ALK: variants seen among roughly 807,000 people sequenced by gnomAD.
ALK encodes ALK tyrosine kinase receptor.
ALK carries 74 observed loss-of-function variants against 163.1 expected under a neutral mutation model. The ratio of observed to expected loss-of-function variants is 0.45; its 90% CI spans 0.38 to 0.55. The LOEUF (loss-of-function observed/expected upper bound fraction) is 0.55, where lower values mean the gene tolerates loss of function less well. Ranked by LOEUF, ALK falls within the 20% of genes least tolerant of loss-of-function variation. ALK has a pLI of 0.00. For synonymous variants in ALK, 960 were observed against 843.2 expected (o/e 1.14, Z -2.40); for missense variants, 2,063 against 2,105.3 (o/e 0.98, Z 0.39).
Position 29,193,257 on chromosome 2 carries a change from T to A in ALK, c.4830A>T (p.Lys1610Asn), listed in dbSNP as rs766072801. The A allele has an allele frequency of 6.2e-7, 1 of 1,614,048 alleles. No homozygotes were observed. Among genetic ancestry groups the A allele is most frequent in the African/African-American group, 1.3e-5 (1 of 74,930 alleles). Residue 1610 changes from lysine to asparagine, a missense_variant, in exon 29 of 29, where the codon AAA (lysine) becomes AAT (asparagine). Around this residue, in one of 5 missense-constraint regions of ALK, gnomAD observed 403 missense variants for 366.2 expected, o/e 1.10. Coordinates refer to ENST00000389048, the MANE Select transcript of ALK (RefSeq NM_004304.5). The stretch of plus-strand genomic sequence containing the variant: ...CAGGCTGGTTCATGCTATTCTTGCT[T>A]TTCAGAATGGTATCCTCGTAATGAC... Reference protein sequence around the residue: ...GAGHYEDTILKSKNSMNQPGP With the variant: ...GAGHYEDTILNSKNSMNQPGP
intron 3 of ALK, among the ~76,000 whole-genome samples, chr2:29,650,997 C>T (rs998440227): frequency 3.3e-5 from 5 of 152,094 alleles, no homozygotes; most frequent in African/African-American, 1.2e-4. Flanking sequence ...AGTCGCCGCA[C>T]GGTGACTTGG....
intron 3 of ALK, among the ~76,000 whole-genome samples, chr2:29,556,832 G>T (rs1401348930): frequency 6.6e-6 from 1 of 152,118 alleles, no homozygotes; most frequent in Non-Finnish European, 1.5e-5. Flanking sequence ...GCCTCCATTT[G>T]GTGTTTATAA....
intron 4 of ALK, among the ~76,000 whole-genome samples, chr2:29,529,033 C>T (rs1049573749): frequency 1.2e-4 from 18 of 152,236 alleles, no homozygotes; most frequent in African/African-American, 3.4e-4. Flanking sequence ...TACTCTGCTG[C>T]TTTCCAGGCA....
At chr2:29,453,535 C>T (rs1024981513) in intron 4 of ALK, among the ~76,000 whole-genome samples, 1 of 152,018 alleles carries the variant, frequency 6.6e-6, no homozygotes, top group African/African-American at 2.4e-5. Flanking sequence ...CGGACCTGGC[C>T]TAAAATAAAA....
intron 4 of ALK, among the ~76,000 whole-genome samples, chr2:29,501,408 A>G (rs568182567): frequency 6.6e-6 from 1 of 152,208 alleles, no homozygotes; most frequent in Non-Finnish European, 1.5e-5. Flanking sequence ...AATCCTTGAA[A>G]GAACTGTCCT....
intron 1 of ALK, among the ~76,000 whole-genome samples, chr2:29,891,631 G>T (rs906315292): frequency 5.9e-5 from 9 of 152,120 alleles, no homozygotes; most frequent in African/African-American, 1.9e-4. Context: ...AGAACCATAA[G>T]AACTATAAGA....
At chr2:29,754,616 G>C (rs993703650) in intron 1 of ALK, among the ~76,000 whole-genome samples, 25 of 152,052 alleles carry the variant, frequency 1.6e-4, no homozygotes, top group African/African-American at 6.0e-4. Context: ...CTTGAGTTTG[G>C]GAGCTTGCAG....
chr2:29,907,458 G>A (rs1014826433), intron 1 of ALK, among the ~76,000 whole-genome samples: 12 of 152,018 alleles, frequency 7.9e-5, no homozygotes, highest in African/African-American at 2.9e-4. Flanking sequence ...GCCTGTTCCT[G>A]CTCTGTACAA....
At chr2:29,647,609 T>C (rs1017767407) in intron 3 of ALK, among the ~76,000 whole-genome samples, 2 of 152,060 alleles carry the variant, frequency 1.3e-5, no homozygotes, top group African/African-American at 4.8e-5. Flanking sequence ...TGAAGAAGCG[T>C]CCGGAATTGA....
chr2:29,546,774 T>G (rs2148171113), intron 3 of ALK, among the ~76,000 whole-genome samples: 1 of 152,126 alleles, frequency 6.6e-6, no homozygotes, highest in South Asian at 2.1e-4. Context: ...ATTCCATTGA[T>G]TTTTTTAATT....
chr2:29,194,003 T>C, intron 28 of ALK, 81 bp from the exon 29 acceptor site: 1 of 1,329,534 alleles, frequency 7.5e-7, no homozygotes, highest in Non-Finnish European at 1.1e-6. Context: ...GATGATGTTA[T>C]CTAAACATAT....
At chr2:29,766,701 C>G (rs1680872433) in intron 1 of ALK, among the ~76,000 whole-genome samples, 1 of 152,306 alleles carries the variant, frequency 6.6e-6, no homozygotes, top group South Asian at 2.1e-4. Flanking sequence ...TAACTAGTAT[C>G]AGGCCTGGAG....
At chr2:29,776,782 G>A (rs1173764221) in intron 1 of ALK, among the ~76,000 whole-genome samples, 1 of 152,002 alleles carries the variant, frequency 6.6e-6, no homozygotes, top group Non-Finnish European at 1.5e-5. Context: ...GGGCAACAGA[G>A]CAAGACCCTG....
intron 8 of ALK, among the ~76,000 whole-genome samples, chr2:29,316,965 C>A (rs1312315469): frequency 2.6e-5 from 4 of 152,124 alleles, no homozygotes; most frequent in Non-Finnish European, 5.9e-5. Context: ...ATTTGCTTGC[C>A]AAGTGGAGCC....
intron 3 of ALK, among the ~76,000 whole-genome samples, chr2:29,569,755 C>T (rs769189797): frequency 1.3e-5 from 2 of 152,186 alleles, no homozygotes; most frequent in African/African-American, 4.8e-5. Flanking sequence ...CCCTTCAGTC[C>T]CTAGCACAGA....
intron 4 of ALK, among the ~76,000 whole-genome samples, chr2:29,421,498 G>A (rs1352677092): frequency 1.3e-5 from 2 of 151,600 alleles, no homozygotes; most frequent in African/African-American, 4.9e-5. Context: ...TAGTAGAGGA[G>A]GCATTTGGAA....
intron 1 of ALK, among the ~76,000 whole-genome samples, chr2:29,811,394 G>C (rs1010285281): frequency 3.9e-5 from 6 of 152,198 alleles, no homozygotes; most frequent in Admixed American, 3.9e-4. Flanking sequence ...TTTACAAACA[G>C]TATTTACATT....
rs1558508441 is a variant in ALK, at chr2:29,831,013, G to GAAGAAGAAGAAGAAGAAGAAGA, written c.667+88979_667+88980insTCTTCTTCTTCTTCTTCTTCTT. Among the ~76,000 whole-genome samples the GAAGAAGAAGAAGAAGAAGAAGA allele has an allele frequency of 6.7e-5, 2 of 29,982 alleles. 1 individual carries two copies. The highest frequency in any genetic ancestry group is 2.0e-4 in the African/African-American group (2 of 10,168). The allele number at this position is 29,982 out of a possible 152,430, so 19.7% of individuals were successfully genotyped here. On this transcript the variant is annotated intron_variant, in intron 1 of 28. Transcript: ENST00000389048. ...GAAGAAGAAGAAGAAGAAGAAGAAG[G>GAAGAAGAAGAAGAAGAAGAAGA]GGAAGAGGAAGGGGAAGGAGGAGGA...
At chr2:29,453,335 C>T (rs1313112064) in intron 4 of ALK, among the ~76,000 whole-genome samples, 1 of 152,092 alleles carries the variant, frequency 6.6e-6, no homozygotes, top group Non-Finnish European at 1.5e-5. Flanking sequence ...AGGCTCAAGC[C>T]ATCCTCCCAC....
Sources: allele counts gnomAD v4.1 joint callset (sites outside exome capture counted in the v4.1 genomes callset), GRCh38; gene constraint gnomAD v4.1.1; regional missense constraint gnomAD v4.1.1; transcripts MANE v1.5; gene names NCBI Gene and HGNC (gene_info 2026-07-23, HGNC 2026-07-21).